Variants in ADGRB3 observed in about 807,000 individuals in gnomAD.
ADGRB3 encodes brain-specific angiogenesis inhibitor 3.
Under a neutral mutation model 193.4 loss-of-function variants are expected in ADGRB3, and 37 were observed. The observed-to-expected ratio is 0.19, with a 90% confidence interval of 0.15 to 0.25. The LOEUF (loss-of-function observed/expected upper bound fraction) is 0.25, where lower values mean the gene tolerates loss of function less well. Among genes scored for constraint, ADGRB3 ranks in the 10% least tolerant of loss-of-function variants. The pLI, the probability that ADGRB3 is intolerant of heterozygous loss-of-function variation, is 1.00. For synonymous variants in ADGRB3, 690 were observed against 644.2 expected (o/e 1.07, Z -1.08); for missense variants, 1,637 against 1,852.9 (o/e 0.88, Z 2.14).
intron 11 of ADGRB3, among the ~76,000 whole-genome samples, chr6:68,997,244 A>T (rs545438009): frequency 6.6e-4 from 100 of 152,316 alleles, no homozygotes; most frequent in African/African-American, 2.3e-3. Flanking sequence ...ACACAGGCAC[A>T]TACAAATATG....
chr6:69,092,364 G>A (rs551178228), intron 17 of ADGRB3, among the ~76,000 whole-genome samples: 14 of 152,162 alleles, frequency 9.2e-5, no homozygotes, highest in Admixed American at 2.6e-4. Flanking sequence ...TTGAAGTAAC[G>A]TTCTAATTAA....
chr6:69,068,613 G>A (rs1337805711), intron 16 of ADGRB3, among the ~76,000 whole-genome samples: 1 of 152,032 alleles, frequency 6.6e-6, no homozygotes, highest in Non-Finnish European at 1.5e-5. Context: ...TCCTGATGAT[G>A]GTTCTGCTTT....
At chr6:68,812,217 G>A (rs1012097558) in intron 3 of ADGRB3, among the ~76,000 whole-genome samples, 3 of 152,164 alleles carry the variant, frequency 2.0e-5, no homozygotes, top group African/African-American at 4.8e-5. Context: ...CATTTATAAA[G>A]AGCTTGAAAT....
intron 20 of ADGRB3, among the ~76,000 whole-genome samples, chr6:69,292,892 G>T (rs865835930): frequency 9.5e-6 from 1 of 104,978 alleles, no homozygotes. Flanking sequence ...ACAACAGTCC[G>T]CAGAGTTTGA....
At chr6:68,803,537 T>C (rs1345456267) in intron 3 of ADGRB3, among the ~76,000 whole-genome samples, 3 of 152,202 alleles carry the variant, frequency 2.0e-5, no homozygotes, top group Non-Finnish European at 4.4e-5. Context: ...CTTCTACCCA[T>C]GTTCTTTTCA....
At chr6:69,210,855 C>T (rs1319772079) in intron 17 of ADGRB3, among the ~76,000 whole-genome samples, 2 of 151,980 alleles carry the variant, frequency 1.3e-5, no homozygotes, top group Non-Finnish European at 2.9e-5. Context: ...GTGGCTCACG[C>T]CTGTAATCCC....
intron 30 of ADGRB3, among the ~76,000 whole-genome samples, chr6:69,378,482 G>T (rs772405488): frequency 6.6e-6 from 1 of 152,070 alleles, no homozygotes; most frequent in Non-Finnish European, 1.5e-5. Context: ...TTTCTAATCA[G>T]TAAAGTGGAG....
intron 17 of ADGRB3, among the ~76,000 whole-genome samples, chr6:69,127,383 G>A (rs116404706): frequency 1.5e-3 from 228 of 152,284 alleles, no homozygotes; most frequent in African/African-American, 5.0e-3. Flanking sequence ...GAGGGAAAAG[G>A]ATGTCACAGA....
chr6:68,715,285 G>A (rs182458569), intron 3 of ADGRB3, among the ~76,000 whole-genome samples: 28 of 151,608 alleles, frequency 1.8e-4, no homozygotes, highest in Non-Finnish European at 2.8e-4. Flanking sequence ...TGTAACGCAC[G>A]TCTGCACTTT....
chr6:68,856,082 C>T (rs2127392773), intron 3 of ADGRB3, among the ~76,000 whole-genome samples: 1 of 152,268 alleles, frequency 6.6e-6, no homozygotes, highest in South Asian at 2.1e-4. Context: ...TGCTGCCATC[C>T]ACATAAGTTG....
chr6:69,050,944 A>G (rs1448968913), intron 15 of ADGRB3, among the ~76,000 whole-genome samples: 1 of 152,188 alleles, frequency 6.6e-6, no homozygotes, highest in Non-Finnish European at 1.5e-5. Context: ...TTGCATTATG[A>G]TAATCTTGTT....
intron 20 of ADGRB3, among the ~76,000 whole-genome samples, chr6:69,320,948 C>G (rs1180959243): frequency 6.6e-6 from 1 of 151,354 alleles, no homozygotes; most frequent in African/African-American, 2.4e-5. Context: ...CCCCAAATTT[C>G]CTGATTTCTG....
rs536439513 is a variant in ADGRB3, at chr6:69,202,891, C to A, written c.2481-30399C>A. ...AGAAGAAAGGCTTTCTGGCAGAGCACGCAGGATGTGATCAAATGCTTTAGC... is the reference window on the plus strand; with the variant it reads ...AGAAGAAAGGCTTTCTGGCAGAGCAAGCAGGATGTGATCAAATGCTTTAGC... On this transcript the variant is annotated intron_variant, in intron 17 of 31. Coordinates refer to ENST00000370598, the MANE Select transcript of ADGRB3 (RefSeq NM_001704.3). Among the ~76,000 whole-genome samples the A allele has an allele frequency of 2.0e-5, 3 of 152,204 alleles. No individual in the cohort carries two copies. In the South Asian group the frequency reaches 6.2e-4, roughly 32 times the overall value.
intron 6 of ADGRB3, among the ~76,000 whole-genome samples, chr6:68,954,484 C>T (rs1768015979): frequency 6.6e-6 from 1 of 152,078 alleles, no homozygotes; most frequent in Non-Finnish European, 1.5e-5. Flanking sequence ...CCTCTCTTTG[C>T]ATCAGCTCCC....
chr6:68,757,157 A>G lies in ADGRB3; in HGVS notation c.757+117725A>G, dbSNP rs1233221268. Among the ~76,000 whole-genome samples, 3 of 152,048 alleles carry G rather than the reference A, an allele frequency of 2.0e-5. No homozygotes were observed. The East Asian group carries it at 5.8e-4, about 29-fold the overall frequency. Reference sequence around the variant, plus strand: ...GTTCTTTTCTGTTCTTTTCTCTATCAGGAGCACTCAACTCCTTTCTGAGCA... The same window carrying G: ...GTTCTTTTCTGTTCTTTTCTCTATCGGGAGCACTCAACTCCTTTCTGAGCA... On this transcript the variant is annotated intron_variant, in intron 3 of 31. Coordinates refer to ENST00000370598, the MANE Select transcript of ADGRB3 (RefSeq NM_001704.3).
At chr6:68,964,342 T>G (rs1024613064) in intron 8 of ADGRB3, among the ~76,000 whole-genome samples, 2 of 152,188 alleles carry the variant, frequency 1.3e-5, no homozygotes, top group Admixed American at 6.6e-5. Context: ...TTGTCCCAGC[T>G]GTGCCCAAAT....
At chr6:69,025,453 T>C (rs1209193374) in intron 13 of ADGRB3, among the ~76,000 whole-genome samples, 1 of 152,180 alleles carries the variant, frequency 6.6e-6, no homozygotes, top group Non-Finnish European at 1.5e-5. Context: ...ATCTCTTGTT[T>C]GACTTCCTTT....
intron 11 of ADGRB3, among the ~76,000 whole-genome samples, chr6:69,009,909 A>T (rs1472077648): frequency 6.6e-6 from 1 of 152,116 alleles, no homozygotes; most frequent in African/African-American, 2.4e-5. Flanking sequence ...AAATGCTAAG[A>T]CATATTTTAG....
chr6:68,937,327 T>C (rs973827350), intron 5 of ADGRB3, among the ~76,000 whole-genome samples: 1 of 152,200 alleles, frequency 6.6e-6, no homozygotes, highest in African/African-American at 2.4e-5. Context: ...AATTTTGTTC[T>C]TCAGTTGATG....
Sources: gnomAD v4.1 joint callset for allele counts (sites outside exome capture counted in the v4.1 genomes callset) on GRCh38, gnomAD v4.1.1 for gene constraint, MANE v1.5 for transcripts, NCBI Gene and HGNC (gene_info 2026-07-23, HGNC 2026-07-21) for gene names.